Variants in DOCK9 observed in about 807,000 individuals in gnomAD.
DOCK9 encodes dedicator of cytokinesis 9.
A neutral mutation model predicts 263.3 loss-of-function variants in DOCK9; 89 were observed. The ratio of observed to expected loss-of-function variants is 0.34; its 90% CI spans 0.28 to 0.40. DOCK9 has a LOEUF of 0.40. DOCK9 is among the 10% of genes least tolerant of loss of function. DOCK9 has a pLI of 1.00. For synonymous variants in DOCK9, 976 were observed against 973.1 expected (o/e 1.00, Z -0.06); for missense variants, 2,140 against 2,603.4 (o/e 0.82, Z 3.87).
chr13:98,869,409 G>A (rs1264181346), intron 27 of DOCK9, among the ~76,000 whole-genome samples: 5 of 152,178 alleles, frequency 3.3e-5, no homozygotes, highest in African/African-American at 4.8e-5. Context: ...TAACAACAAC[G>A]ATTCAGACCC....
chr13:99,041,856 G>C (rs1221885775), intron 1 of DOCK9, among the ~76,000 whole-genome samples: 1 of 152,346 alleles, frequency 6.6e-6, no homozygotes, highest in South Asian at 2.1e-4. Context: ...TGCAGCGACT[G>C]GGGTGACATG....
At chr13:98,980,728 A>T (rs1193954373), upstream of DOCK9, among the ~76,000 whole-genome samples, 1 of 152,094 alleles carries the variant, frequency 6.6e-6, no homozygotes, top group East Asian at 1.9e-4. Flanking sequence ...AATTCCACCA[A>T]CCGTGTTGCT....
At chr13:98,807,035 A>C (rs1441087918) in intron 48 of DOCK9, among the ~76,000 whole-genome samples, 3 of 152,212 alleles carry the variant, frequency 2.0e-5, no homozygotes, top group Admixed American at 2.0e-4. Context: ...GTGGGAGTGA[A>C]ACCGTCTTGC....
At chr13:98,899,272 G>C (rs1219581434) in intron 13 of DOCK9, among the ~76,000 whole-genome samples, 1 of 152,050 alleles carries the variant, frequency 6.6e-6, no homozygotes, top group East Asian at 1.9e-4. Flanking sequence ...GAAGGATCTA[G>C]AAGGATCCAG....
chr13:98,926,311 A>G, intron 3 of DOCK9, among the ~76,000 whole-genome samples: 1 of 152,246 alleles, frequency 6.6e-6, no homozygotes, highest in East Asian at 1.9e-4. Context: ...AGACGCCTTC[A>G]TGGTATTTAC....
chr13:98,912,532 T>C (rs1221576721), intron 9 of DOCK9, among the ~76,000 whole-genome samples: 3 of 152,082 alleles, frequency 2.0e-5, no homozygotes, highest in Admixed American at 2.0e-4. Context: ...AGTTTAAAAA[T>C]AGTTCCAAAT....
chr13:99,067,005 T>C (rs2041450547), intron 1 of DOCK9, among the ~76,000 whole-genome samples: 1 of 152,240 alleles, frequency 6.6e-6, no homozygotes, highest in African/African-American at 2.4e-5. Flanking sequence ...AGTATGTTTC[T>C]ACTACCCAGA....
intron 5 of DOCK9, 84 bp downstream of exon 5, chr13:98,923,218 A>G: frequency 7.2e-7 from 1 of 1,380,898 alleles, no homozygotes. Flanking sequence ...AATGTCGGTA[A>G]TTTTCTAACT....
intron 5 of DOCK9, 100 bp from the exon 6 acceptor site, chr13:98,922,246 T>C (rs1481431624): frequency 1.0e-5 from 8 of 802,684 alleles, no homozygotes; most frequent in Admixed American, 6.4e-5. Context: ...TTGTGCCAAG[T>C]TGTCCATTGC....
intron 1 of DOCK9, among the ~76,000 whole-genome samples, chr13:99,034,985 C>T (rs748770716): frequency 1.3e-5 from 2 of 152,140 alleles, no homozygotes; most frequent in Non-Finnish European, 2.9e-5. Flanking sequence ...TAACACTGCT[C>T]CAAAACTTTC....
At chr13:99,087,096 T>C (rs1294168418), upstream of DOCK9, among the ~76,000 whole-genome samples, 1 of 151,378 alleles carries the variant, frequency 6.6e-6, no homozygotes, top group African/African-American at 2.4e-5. Context: ...CTCAGGAAAG[T>C]AGCCTTTATT....
Position 99,007,343 on chromosome 13 carries a change from G to T in DOCK9, c.130-51792C>A, listed in dbSNP as rs369422262. 2.3e-4 allele frequency among the ~76,000 whole-genome samples: 35 copies of T among 151,998 alleles called. No homozygotes were observed. The East Asian group carries it at 5.2e-3, about 23-fold the overall frequency. On this transcript the variant is annotated intron_variant, in intron 1 of 32. Transcript: ENST00000427887. ...GGGGAAGTTGCAGTGAGTTAAGATT[G>T]CACCACTGCACTCAAGCCTGGTGAC...
In DOCK9 at chr13:98,831,805, G is replaced by A. The variant is rs770933819; in HGVS notation, c.4315-19C>T. 3.0e-5 allele frequency: 48 copies of A among 1,611,700 alleles called. No individual in the cohort carries two copies. In the South Asian group the frequency reaches 4.1e-4, roughly 14 times the overall value. ...GCTGGTTCTTAAAACACACATTGAC[G>A]GCTTTGTTAGACATACCAGTCACCT... On this transcript the variant is annotated intron_variant, in intron 39 of 52. Transcript: ENST00000682017.
intron 39 of DOCK9, among the ~76,000 whole-genome samples, chr13:98,833,379 C>G (rs1264229240): frequency 1.3e-5 from 2 of 152,160 alleles, no homozygotes; most frequent in Non-Finnish European, 2.9e-5. Flanking sequence ...GCTTTCATTT[C>G]TTAGCACTCT....
intron 2 of DOCK9, among the ~76,000 whole-genome samples, chr13:98,942,994 T>C (rs1465942471): frequency 6.6e-6 from 1 of 152,198 alleles, no homozygotes; most frequent in Non-Finnish European, 1.5e-5. Context: ...GATACACCAG[T>C]GAACTTTCCT....
chr13:98,912,664 C>T (rs1167188413), intron 9 of DOCK9, among the ~76,000 whole-genome samples: 1 of 151,970 alleles, frequency 6.6e-6, no homozygotes, highest in Non-Finnish European at 1.5e-5. Flanking sequence ...TCAAACAATA[C>T]TGAATTATAT....
At chr13:98,902,655 T>C (rs2048468198) in intron 11 of DOCK9, among the ~76,000 whole-genome samples, 164 bp from the exon 12 acceptor site, 1 of 152,254 alleles carries the variant, frequency 6.6e-6, no homozygotes, top group South Asian at 2.1e-4. Flanking sequence ...TAAAACATTT[T>C]AGGAAACAAA....
upstream of DOCK9, chr13:99,087,843 G>C (rs549401705): frequency 1.3e-5 from 2 of 152,392 alleles, no homozygotes; most frequent in African/African-American, 2.4e-5. Flanking sequence ...CTTACCTGCC[G>C]GGTCGGCCTC....
At chr13:99,005,776 GTGTC>G (rs1883231316) in intron 1 of DOCK9, among the ~76,000 whole-genome samples, 1 of 152,202 alleles carries the variant, frequency 6.6e-6, no homozygotes, top group South Asian at 2.1e-4. Flanking sequence ...ACTTAAATAA[GTGTC>G]TGTCCTAATG....
Sources: gnomAD v4.1 joint callset for allele counts (sites outside exome capture counted in the v4.1 genomes callset) on GRCh38, gnomAD v4.1.1 for gene constraint, MANE v1.5 for transcripts, NCBI Gene and HGNC (gene_info 2026-07-23, HGNC 2026-07-21) for gene names.